The following SRP9 variants were observed in gnomAD, a reference collection of about 807,000 sequenced individuals.
The protein encoded by SRP9 is signal recognition particle 9, also known as signal recognition particle 9 kDa protein.
SRP9 carries 2 observed loss-of-function variants against 11.7 expected under a neutral mutation model. The ratio of observed to expected loss-of-function variants is 0.17; its 90% confidence interval spans 0.07 to 0.54. The LOEUF (loss-of-function observed/expected upper bound fraction) is 0.54. Among genes scored for constraint, SRP9 ranks in the 20% least tolerant of loss-of-function variants. The pLI is 0.94. For synonymous variants in SRP9, 27 were observed against 35.6 expected (o/e 0.76, Z 0.86); for missense variants, 54 against 108.1 (o/e 0.50, Z 2.22).
chr1:225,783,504 C>G (rs1409019750), intron 2 of SRP9, 136 bp downstream of exon 2: 6 of 670,928 alleles, frequency 8.9e-6, no homozygotes, highest in Non-Finnish European at 1.5e-5. Context: ...GATGAAGAAC[C>G]TCATTCTAGC....
intron 2 of SRP9, among the ~76,000 whole-genome samples, chr1:225,786,530 C>A (rs1236559811): frequency 6.6e-6 from 1 of 152,066 alleles, no homozygotes; most frequent in Admixed American, 6.6e-5. Context: ...TGAAGTTAGA[C>A]CTTTTAGTGA....
intron 2 of SRP9, among the ~76,000 whole-genome samples, chr1:225,784,413 ATTT>A (rs71170100): frequency 6.8e-6 from 1 of 146,372 alleles, no homozygotes; most frequent in Admixed American, 6.8e-5. Flanking sequence ...CGCCCAGCTA[ATTT>A]TTTTTTGTAT....
At chr1:225,784,747 C>T (rs1355866378) in intron 2 of SRP9, among the ~76,000 whole-genome samples, 4 of 151,540 alleles carry the variant, frequency 2.6e-5, no homozygotes, top group Non-Finnish European at 4.4e-5. Context: ...GAGGCTGAGG[C>T]AGGAGAATGG....
chr1:225,788,706 G>C (rs546305534), intron 2 of SRP9, among the ~76,000 whole-genome samples: 1 of 152,146 alleles, frequency 6.6e-6, no homozygotes, highest in African/African-American at 2.4e-5. Context: ...AAGCCACCAC[G>C]CCTGGCCAAG....
chr1:225,781,113 C>T lies in SRP9; in HGVS notation c.73-2187C>T, dbSNP rs3753654. On this transcript the variant is annotated intron_variant, in intron 1 of 2. Transcript: ENST00000304786. The stretch of plus-strand genomic sequence containing the variant: ...TTCAGAATGATTTTTAGCCTTTCTT[C>T]TGCCTTCTTCTATAAGGTTAAAACA... Among the ~76,000 whole-genome samples, 441 of 152,314 alleles carry T rather than the reference C, an allele frequency of 2.9e-3. 10 individuals carry two copies. The East Asian group carries it at 0.042, about 15-fold the overall frequency.
chr1:225,784,853 CA>C (rs1217217139), intron 2 of SRP9, among the ~76,000 whole-genome samples: 1 of 151,828 alleles, frequency 6.6e-6, no homozygotes, highest in African/African-American at 2.4e-5. Context: ...AAAAAACAAA[CA>C]AAAAAACTAG....
At chr1:225,782,339 A>T (rs1665817187) in intron 1 of SRP9, among the ~76,000 whole-genome samples, 1 of 151,400 alleles carries the variant, frequency 6.6e-6, no homozygotes, top group South Asian at 2.1e-4. Context: ...AATTTTTTGT[A>T]TTTTTTAGTA....
At chr1:225,783,552 GCTTT>G (rs968723497) in intron 2 of SRP9, among the ~76,000 whole-genome samples, 184 bp downstream of exon 2, 8 of 152,174 alleles carry the variant, frequency 5.3e-5, no homozygotes, top group African/African-American at 1.9e-4. Flanking sequence ...TATTTAACCT[GCTTT>G]CTTAATGCAT....
chr1:225,789,516 C>G lies in SRP9; in HGVS notation c.*157C>G, dbSNP rs188550487. ...TTTTCTTTTTAATTACTTTAGAGAG[C>G]TAGGGATGCAAATGTTTTCAGTTAG... On this transcript the variant is annotated 3_prime_UTR_variant, in exon 3 of 3. Coordinates refer to ENST00000304786, the MANE Select transcript of SRP9 (RefSeq NM_003133.6). 4 of 740,060 alleles carry G rather than the reference C, an allele frequency of 5.4e-6. No individual in the cohort carries two copies. In the African/African-American group the frequency reaches 7.2e-5, roughly 13 times the overall value. The allele number at this position is 740,060 out of a possible 1,614,324, so 45.8% of individuals were successfully genotyped here.
chr1:225,783,711 T>A (rs917690665), intron 2 of SRP9, among the ~76,000 whole-genome samples: 5 of 152,252 alleles, frequency 3.3e-5, no homozygotes, highest in African/African-American at 1.2e-4. Flanking sequence ...TTCCTGTCTT[T>A]GATATGCTCA....
At chr1:225,781,008 T>A (rs1376348560) in intron 1 of SRP9, among the ~76,000 whole-genome samples, 1 of 152,240 alleles carries the variant, frequency 6.6e-6, no homozygotes, top group East Asian at 1.9e-4. Flanking sequence ...GTCTGACCCA[T>A]CTCCAGTCTT....
At chr1:225,782,259 G>T (rs1011046510) in intron 1 of SRP9, among the ~76,000 whole-genome samples, 6 of 152,034 alleles carry the variant, frequency 3.9e-5, no homozygotes, top group Non-Finnish European at 8.8e-5. Flanking sequence ...CACCTCCCTG[G>T]TTCACACCAT....
rs1417850357 is a variant in SRP9, at chr1:225,789,444, A to C, written c.*85A>C. ...AAAGTGTTGGGACAGAAAGTACTTT[A>C]TGTAACTAAGTGGGCTGTTCAGAAG... On this transcript the variant is annotated 3_prime_UTR_variant, in exon 3 of 3. Transcript: ENST00000304786. The C allele has an allele frequency of 6.9e-7, 1 of 1,447,278 alleles. No homozygotes were observed. The highest frequency in any genetic ancestry group is 9.3e-7 in the Non-Finnish European group (1 of 1,072,686). The allele number at this position is 1,447,278 out of a possible 1,614,324, so 89.7% of individuals were successfully genotyped here.
chr1:225,778,410 T>C (rs1027225325), intron 1 of SRP9, among the ~76,000 whole-genome samples: 3 of 152,250 alleles, frequency 2.0e-5, no homozygotes, highest in Non-Finnish European at 4.4e-5. Flanking sequence ...AAACTGATGA[T>C]GTTTTTTCTA....
At chr1:225,781,978 CT>C (rs565192217) in intron 1 of SRP9, among the ~76,000 whole-genome samples, 3 of 149,622 alleles carry the variant, frequency 2.0e-5, no homozygotes, top group East Asian at 2.0e-4. Context: ...AGTGATGTAA[CT>C]TTTTTTTTTC....
At position 225,783,343 on chromosome 1, in the gene SRP9, G is replaced by C; in HGVS notation, c.116G>C (p.Cys39Ser). ...LKYRHSDGNLCVKVTDDLVCL... is the reference protein window; with the variant it reads ...LKYRHSDGNLSVKVTDDLVCL... ...TATAGGCATTCTGATGGGAACTTGT[G>C]TGTTAAAGTAACAGATGATTTAGTT... Residue 39 changes from cysteine to serine, a missense_variant, in exon 2 of 3, where the codon TGT becomes TCT. Physicochemically the swap from Cys to Ser is moderately radical, Grantham distance 112 (BLOSUM62 -1). Coordinates refer to ENST00000304786, the MANE Select transcript of SRP9 (RefSeq NM_003133.6). 6.2e-7 allele frequency: 1 copy of C among 1,612,460 alleles called. No individual in the cohort carries two copies. The highest frequency in any genetic ancestry group is 8.5e-7 in the Non-Finnish European group (1 of 1,179,072).
At chr1:225,784,224 CTGTTCTTTTTTTT>C in intron 2 of SRP9, among the ~76,000 whole-genome samples, 1 of 87,594 alleles carries the variant, frequency 1.1e-5, no homozygotes, top group Non-Finnish European at 2.3e-5. Flanking sequence ...AGTTTATCAC[CTGTTCTTTTTTTT>C]TTTTTTTTTT....
At chr1:225,788,395 A>G (rs950910692) in intron 2 of SRP9, among the ~76,000 whole-genome samples, 2 of 150,304 alleles carry the variant, frequency 1.3e-5, no homozygotes, top group Non-Finnish European at 3.0e-5. Context: ...TCAAAAATAC[A>G]TACCTTCAGC....
chr1:225,778,542 C>T (rs1348169432), intron 1 of SRP9, among the ~76,000 whole-genome samples: 4 of 152,284 alleles, frequency 2.6e-5, no homozygotes, highest in Admixed American at 6.5e-5. Flanking sequence ...TTGCACCTTT[C>T]CTCAGAAAAA....
Sources: gnomAD v4.1 joint callset for allele counts (sites outside exome capture counted in the v4.1 genomes callset) on GRCh38, gnomAD v4.1.1 for gene constraint, MANE v1.5 for transcripts, NCBI Gene and HGNC (gene_info 2026-07-23, HGNC 2026-07-21) for gene names.